The following CREB5 variants were observed in gnomAD, a reference collection of about 807,000 sequenced individuals.
CREB5 encodes cyclic AMP-responsive element-binding protein 5.
Under a neutral mutation model 57.1 loss-of-function variants are expected in CREB5, and 19 were observed. That is an observed-to-expected ratio of 0.33 (90% CI 0.23 to 0.49). CREB5 has a LOEUF of 0.49. Among genes scored for constraint, CREB5 ranks in the 20% least tolerant of loss-of-function variants. The pLI is 0.99. For synonymous variants in CREB5, 238 were observed against 238.3 expected, an observed-to-expected ratio of 1.00 and a Z score of 0.01; for missense variants, 579 against 671.6, an observed-to-expected ratio of 0.86 and a Z score of 1.52.
At chr7:28,512,110 A>G (rs1277660795) in intron 4 of CREB5, among the ~76,000 whole-genome samples, 1 of 152,138 alleles carries the variant, frequency 6.6e-6, no homozygotes, top group Non-Finnish European at 1.5e-5. Context: ...TGCCTGTGGG[A>G]GGAGTGGGTT....
rs1360817298 is a variant in CREB5 at position 28,800,793 on chromosome 7, CTCTTG to C, written c.703-3403_703-3399del. 2.0e-5 allele frequency among the ~76,000 whole-genome samples: 3 copies of C among 152,218 alleles called. No individual in the cohort carries two copies. The East Asian group carries it at 5.8e-4, about 29-fold the overall frequency. ...CTGGACCATTCGGCAATAACGTCTC[CTCTTG>C]TCAGCTCTTCTAGCCCCTTCTCGCG... On this transcript the variant is annotated intron_variant, in intron 7 of 10. Coordinates refer to ENST00000357727, the MANE Select transcript of CREB5 (RefSeq NM_182898.4).
At chr7:28,679,984 A>T (rs757250453) in intron 5 of CREB5, among the ~76,000 whole-genome samples, 7 of 152,008 alleles carry the variant, frequency 4.6e-5, no homozygotes, top group Admixed American at 4.6e-4. Context: ...ATATTTTTCT[A>T]CTAACCCTAC....
intron 1 of CREB5, among the ~76,000 whole-genome samples, chr7:28,460,743 G>T (rs1202778148): frequency 1.3e-5 from 2 of 152,124 alleles, no homozygotes; most frequent in Non-Finnish European, 2.9e-5. Flanking sequence ...AGGCTGTTTT[G>T]CACGGTAAAT....
chr7:28,335,255 G>A (rs969816596), intron 1 of CREB5, among the ~76,000 whole-genome samples: 2 of 151,782 alleles, frequency 1.3e-5, no homozygotes, highest in African/African-American at 4.8e-5. Context: ...ATTTTAATAG[G>A]GATTGCATTG....
intron 1 of CREB5, among the ~76,000 whole-genome samples, chr7:28,341,091 T>A (rs1170307535): frequency 1.3e-5 from 2 of 152,170 alleles, no homozygotes; most frequent in African/African-American, 4.8e-5. Flanking sequence ...CTAGGTACTG[T>A]GACCGCTCAT....
chr7:28,342,404 A>G (rs975692108), intron 1 of CREB5, among the ~76,000 whole-genome samples: 1 of 152,178 alleles, frequency 6.6e-6, no homozygotes, highest in Non-Finnish European at 1.5e-5. Flanking sequence ...ATTCAGACTA[A>G]TTAGTACTAA....
chr7:28,412,930 T>A lies in CREB5; in HGVS notation c.3+13T>A. 2.0e-6 allele frequency: 3 copies of A among 1,463,768 alleles called. No individual in the cohort carries two copies. The highest frequency in any genetic ancestry group is 2.7e-6 in the Non-Finnish European group (3 of 1,101,634). The allele number at this position is 1,463,768 out of a possible 1,614,324, so 90.7% of individuals were successfully genotyped here. ...TCTACAGATAATGGTAAGGATGATG[T>A]TTATTATGCATATTAAACAGAGAGA... On this transcript the variant is annotated intron_variant, in intron 1 of 10. Transcript: ENST00000357727.
At chr7:28,520,281 G>A (rs1057135026) in intron 4 of CREB5, among the ~76,000 whole-genome samples, 4 of 152,260 alleles carry the variant, frequency 2.6e-5, no homozygotes, top group East Asian at 1.9e-4. Flanking sequence ...TTCCTCCTTC[G>A]TAGTTGTCTC....
chr7:28,704,471 G>C (rs1269686275), intron 5 of CREB5, among the ~76,000 whole-genome samples: 1 of 151,884 alleles, frequency 6.6e-6, no homozygotes, highest in Non-Finnish European at 1.5e-5. Context: ...AATAGTTCTG[G>C]ATCTCTCACT....
chr7:28,418,071 T>G lies in CREB5; in HGVS notation c.3+5154T>G, dbSNP rs574269734. The stretch of plus-strand genomic sequence containing the variant: ...TACTCTTTTGCCCCAGATACTTGCC[T>G]TTAGTTGTTTGGGGAGGGAAATTTT... On this transcript the variant is annotated intron_variant, in intron 1 of 10. Transcript: ENST00000357727. Among the ~76,000 whole-genome samples the G allele has an allele frequency of 2.0e-5, 3 of 152,308 alleles. No homozygotes were observed. The East Asian group carries it at 5.8e-4, about 29-fold the overall frequency.
intron 7 of CREB5, among the ~76,000 whole-genome samples, chr7:28,729,743 C>T (rs1803513319): frequency 6.8e-6 from 1 of 146,162 alleles, no homozygotes; most frequent in Admixed American, 6.8e-5. Flanking sequence ...AATGAATAGG[C>T]TGTCTGCTTC....
At chr7:28,747,889 A>G (rs1012522181) in intron 7 of CREB5, among the ~76,000 whole-genome samples, 4 of 152,192 alleles carry the variant, frequency 2.6e-5, no homozygotes, top group African/African-American at 9.6e-5. Context: ...ACACTTTCTC[A>G]GCTGGATGCA....
chr7:28,817,769 A>G (rs574295837), intron 9 of CREB5, among the ~76,000 whole-genome samples: 17 of 152,322 alleles, frequency 1.1e-4, no homozygotes, highest in South Asian at 2.1e-4. Context: ...AGGGTCACAC[A>G]GTCAGTGTGG....
intron 5 of CREB5, among the ~76,000 whole-genome samples, chr7:28,633,811 C>T (rs558771910): frequency 2.0e-5 from 3 of 152,140 alleles, no homozygotes; most frequent in Admixed American, 6.5e-5. Flanking sequence ...TTTGAGTCCC[C>T]TTGGTCATAC....
chr7:28,737,557 AT>A (rs1804075220), intron 7 of CREB5, among the ~76,000 whole-genome samples: 1 of 80,744 alleles, frequency 1.2e-5, no homozygotes, highest in Non-Finnish European at 2.5e-5. Context: ...ATATATATAT[AT>A]ATATATATAT....
At chr7:28,398,821 C>T (rs1246509008) in intron 1 of CREB5, among the ~76,000 whole-genome samples, 1 of 152,108 alleles carries the variant, frequency 6.6e-6, no homozygotes. Flanking sequence ...AAGCGATCCT[C>T]CCACCTCAGC....
intron 1 of CREB5, among the ~76,000 whole-genome samples, chr7:28,437,463 A>T (rs1228538411): frequency 6.6e-6 from 1 of 152,090 alleles, no homozygotes; most frequent in Non-Finnish European, 1.5e-5. Flanking sequence ...TATGGCCCAA[A>T]TCCCACTGAA....
chr7:28,746,163 G>A (rs1272355390), intron 7 of CREB5, among the ~76,000 whole-genome samples: 1 of 152,116 alleles, frequency 6.6e-6, no homozygotes, highest in Non-Finnish European at 1.5e-5. Flanking sequence ...TTTGCAATGA[G>A]CCCCCTTTTT....
At chr7:28,332,464 G>A (rs1262871865) in intron 1 of CREB5, among the ~76,000 whole-genome samples, 4 of 152,064 alleles carry the variant, frequency 2.6e-5, no homozygotes, top group East Asian at 3.8e-4. Context: ...TATAGTAGAC[G>A]CTCAGGTTAC....
Sources: gnomAD v4.1 joint callset for allele counts (sites outside exome capture counted in the v4.1 genomes callset) on GRCh38, gnomAD v4.1.1 for gene constraint, MANE v1.5 for transcripts, NCBI Gene and HGNC (gene_info 2026-07-23, HGNC 2026-07-21) for gene names.